Variants in FABP6 observed in about 807,000 individuals in gnomAD.
The protein encoded by FABP6 is fatty acid binding protein 6.
In FABP6, 13 loss-of-function variants were observed where a neutral mutation model predicts 14.9. The ratio of observed to expected loss-of-function variants is 0.87; its 90% CI spans 0.57 to 1.39. The LOEUF is 1.39. Ranked by LOEUF, FABP6 falls within the 40% of genes most tolerant of loss-of-function variation. FABP6 has a pLI of 0.00. For synonymous variants in FABP6, 75 were observed against 63.6 expected, an observed-to-expected ratio of 1.18 and a Z score of -0.85; for missense variants, 161 against 167.2, an observed-to-expected ratio of 0.96 and a Z score of 0.20.
In FABP6 at chr5:160,233,600, C is replaced by T. The variant is rs528484627; in HGVS notation, c.244-1220C>T. The stretch of plus-strand genomic sequence containing the variant: ...TTTAGAAGTGAAGAAACTGGCCGGG[C>T]ACGGTGGCTCACGCCTGTAATCCCA... On this transcript the variant is annotated intron_variant, in intron 2 of 3. Transcript: ENST00000402432. Among the ~76,000 whole-genome samples, 50 of 152,280 alleles carry T rather than the reference C, an allele frequency of 3.3e-4. No homozygotes were observed. The South Asian group carries it at 0.01, about 31-fold the overall frequency.
intron 3 of FABP6, among the ~76,000 whole-genome samples, chr5:160,216,871 G>A (rs932437096): frequency 6.6e-6 from 1 of 152,132 alleles, no homozygotes; most frequent in Non-Finnish European, 1.5e-5. Flanking sequence ...AGTACCAAAG[G>A]AGCAATCAGT....
intron 3 of FABP6, among the ~76,000 whole-genome samples, chr5:160,214,089 CTCTTTCTTTCTTTCTT>C (rs10605033): frequency 0.032 from 3,750 of 116,358 alleles, 67 homozygotes; most frequent in East Asian, 0.043. Flanking sequence ...GCCTGCCTTT[CTCTTTCTTTCTTTCTT>C]TCTTTCTTTC....
At chr5:160,189,229 G>A (rs377654336) in intron 1 of FABP6, among the ~76,000 whole-genome samples, 15 of 152,008 alleles carry the variant, frequency 9.9e-5, no homozygotes, top group African/African-American at 3.1e-4. Flanking sequence ...TCAAGAAATC[G>A]TATTTTACTT....
At chr5:160,235,047 G>T in intron 3 of FABP6, 138 bp downstream of exon 3, 1 of 572,940 alleles carries the variant, frequency 1.7e-6, no homozygotes, top group Non-Finnish European at 3.0e-6. Context: ...AGTGCTGGAT[G>T]CACATGATGT....
rs114822923 is a variant in FABP6 at position 160,208,357 on chromosome 5, G to A, written c.52-5379G>A. On this transcript the variant is annotated intron_variant, in intron 2 of 6. Transcript: ENST00000393980. Reference sequence around the variant, plus strand: ...GGAGGCTGAGGTGGGAGGATCGCTTGAGCCCAGGAGTTTGAGGCTGTTGTG... The same window carrying A: ...GGAGGCTGAGGTGGGAGGATCGCTTAAGCCCAGGAGTTTGAGGCTGTTGTG... 8.3e-3 allele frequency among the ~76,000 whole-genome samples: 1,267 copies of A among 152,150 alleles called. 20 individuals carry two copies. The highest frequency in any genetic ancestry group is 0.029 in the African/African-American group (1,209 of 41,514).
At chr5:160,215,325 C>A (rs907191666) in intron 3 of FABP6, among the ~76,000 whole-genome samples, 1 of 152,050 alleles carries the variant, frequency 6.6e-6, no homozygotes, top group African/African-American at 2.4e-5. Flanking sequence ...ACCAGCCTGA[C>A]CAACATGGTG....
chr5:160,229,285 T>C, upstream of FABP6: 1 of 478,704 alleles, frequency 2.1e-6, no homozygotes, highest in Non-Finnish European at 3.6e-6. Flanking sequence ...AGAGAGGTGA[T>C]GACTCCTCAA....
intron 2 of FABP6, among the ~76,000 whole-genome samples, chr5:160,209,916 T>C (rs987048378): frequency 3.3e-5 from 5 of 152,204 alleles, no homozygotes; most frequent in South Asian, 2.1e-4. Context: ...ACCTAAGACA[T>C]ACATTTTAAT....
intron 2 of FABP6, among the ~76,000 whole-genome samples, chr5:160,234,508 C>T (rs1246917602): frequency 6.6e-6 from 1 of 150,482 alleles, no homozygotes; most frequent in Non-Finnish European, 1.5e-5. Flanking sequence ...CTCACTGCAG[C>T]CTCTGCCTCC....
At chr5:160,210,027 G>A (rs1297924132) in intron 2 of FABP6, among the ~76,000 whole-genome samples, 1 of 152,188 alleles carries the variant, frequency 6.6e-6, no homozygotes, top group African/African-American at 2.4e-5. Flanking sequence ...GAGACCCGAC[G>A]TGATCTGACC....
In FABP6 at chr5:160,233,889, A is replaced by T. The variant is rs1256376238; in HGVS notation, c.244-931A>T. On this transcript the variant is annotated intron_variant, in intron 2 of 3. Transcript: ENST00000402432. ...TCCGTCTCAAAAAAAGAAAAAAAAA[A>T]AAAGAAGTGAAGAAACCGAGGCTCA... 2.6e-5 allele frequency among the ~76,000 whole-genome samples: 4 copies of T among 152,082 alleles called. No homozygotes were observed. The East Asian group carries it at 7.7e-4, about 29-fold the overall frequency.
chr5:160,201,428 G>T (rs969212091), intron 2 of FABP6, among the ~76,000 whole-genome samples: 1 of 152,190 alleles, frequency 6.6e-6, no homozygotes, highest in East Asian at 1.9e-4. Context: ...GGTGGAAGGG[G>T]ATGGGAGTGA....
At chr5:160,232,015 G>A in intron 1 of FABP6, 83 bp from the exon 2 acceptor site, 1 of 1,497,078 alleles carries the variant, frequency 6.7e-7, no homozygotes, top group African/African-American at 1.4e-5. Flanking sequence ...TAGGGCGGTG[G>A]GGGTGGGCAG....
intron 1 of FABP6, among the ~76,000 whole-genome samples, chr5:160,188,171 G>A (rs747398299): frequency 2.0e-5 from 3 of 152,134 alleles, no homozygotes; most frequent in Non-Finnish European, 4.4e-5. Flanking sequence ...GGATTCCAGA[G>A]GGGCGGGAAG....
intron 1 of FABP6, 87 bp from the exon 2 acceptor site, chr5:160,232,011 G>A (rs866934279): frequency 1.5e-4 from 222 of 1,461,724 alleles, no homozygotes; most frequent in Middle Eastern, 1.8e-4. Flanking sequence ...GGGGTAGGGC[G>A]GTGGGGGTGG....
At chr5:160,224,096 C>T (rs183971725) in intron 3 of FABP6, among the ~76,000 whole-genome samples, 1,682 of 151,980 alleles carry the variant, frequency 0.011, 30 homozygotes, top group African/African-American at 0.038. Flanking sequence ...ATTAGCTGGG[C>T]GTGGTGGTGG....
chr5:160,228,397 T>A (rs1272972938), upstream of FABP6: 2 of 454,896 alleles, frequency 4.4e-6, no homozygotes, highest in Non-Finnish European at 8.8e-6. Flanking sequence ...ATCTCAAAAA[T>A]AAATAAATAC....
chr5:160,203,851 G>A (rs951560932), intron 2 of FABP6, among the ~76,000 whole-genome samples: 1 of 151,838 alleles, frequency 6.6e-6, no homozygotes, highest in African/African-American at 2.4e-5. Context: ...ATAGGCACGC[G>A]CCAACATGCC....
chr5:160,208,440 A>G (rs1759814646), intron 2 of FABP6, among the ~76,000 whole-genome samples: 1 of 151,400 alleles, frequency 6.6e-6, no homozygotes, highest in South Asian at 2.1e-4. Flanking sequence ...GCTGTCTCTT[A>G]AAAAAAAAGA....
Sources: gnomAD v4.1 joint callset for allele counts (sites outside exome capture counted in the v4.1 genomes callset) on GRCh38, gnomAD v4.1.1 for gene constraint, MANE v1.5 for transcripts, NCBI Gene and HGNC (gene_info 2026-07-23, HGNC 2026-07-21) for gene names.